The following CD8B2 variants were observed in gnomAD, a reference collection of about 807,000 sequenced individuals.
CD8B2 encodes T-cell surface glycoprotein CD8 beta-2 chain.
CD8B2 carries 11 observed loss-of-function variants against 23.7 expected under a neutral mutation model. That is an observed-to-expected ratio of 0.46 (90% CI 0.29 to 0.77). The LOEUF (loss-of-function observed/expected upper bound fraction) is 0.77, where lower values mean the gene tolerates loss of function less well. CD8B2 is among the 30% of genes least tolerant of loss of function. The pLI is 0.09. For synonymous variants in CD8B2, 90 were observed against 109.3 expected (o/e 0.82, Z 1.10); for missense variants, 197 against 270.5 (o/e 0.73, Z 1.91).
intron 3 of CD8B2, among the ~76,000 whole-genome samples, chr2:106,498,179 A>C (rs1168797603): frequency 1.3e-5 from 2 of 148,346 alleles, no homozygotes; most frequent in South Asian, 2.1e-4. Flanking sequence ...ATGGAGTCTC[A>C]CTCTGTTGCC....
chr2:106,506,000 G>A (rs1679497866), intron 5 of CD8B2, among the ~76,000 whole-genome samples: 1 of 152,132 alleles, frequency 6.6e-6, no homozygotes, highest in Non-Finnish European at 1.5e-5. Context: ...GGGCGTGGTG[G>A]CGGGCGCCTA....
At chr2:106,534,242 C>G (rs1263851939) in intron 5 of CD8B2, among the ~76,000 whole-genome samples, 1 of 152,122 alleles carries the variant, frequency 6.6e-6, no homozygotes, top group Non-Finnish European at 1.5e-5. Flanking sequence ...TAGAAGGGAA[C>G]AAAATGGATA....
At chr2:106,517,665 G>A (rs190991557) in intron 5 of CD8B2, among the ~76,000 whole-genome samples, 1 of 151,590 alleles carries the variant, frequency 6.6e-6, no homozygotes, top group African/African-American at 2.4e-5. Flanking sequence ...CCTTCCTATA[G>A]TTTTTAATAA....
At chr2:106,518,665 T>A (rs1026960955) in intron 5 of CD8B2, among the ~76,000 whole-genome samples, 1 of 152,178 alleles carries the variant, frequency 6.6e-6, no homozygotes, top group African/African-American at 2.4e-5. Context: ...CATTCATCCA[T>A]GTATCCATTC....
At chr2:106,514,752 T>TTGTGTGTGTGTGTG (rs10692298), downstream of CD8B2, among the ~76,000 whole-genome samples, 27 of 144,624 alleles carry the variant, frequency 1.9e-4, no homozygotes, top group African/African-American at 2.6e-4. Flanking sequence ...GTTAAGACTT[T>TTGTGTGTGTGTGTG]TGTGTGTGTG....
chr2:106,493,715 G>A (rs1679241117), intron 2 of CD8B2, among the ~76,000 whole-genome samples: 1 of 152,184 alleles, frequency 6.6e-6, no homozygotes, highest in African/African-American at 2.4e-5. Flanking sequence ...CTTTTTGTCA[G>A]AAAATCTTTG....
chr2:106,504,852 G>A (rs1038835309), intron 5 of CD8B2, among the ~76,000 whole-genome samples: 1 of 152,162 alleles, frequency 6.6e-6, no homozygotes, highest in Non-Finnish European at 1.5e-5. Flanking sequence ...TGACAGATCA[G>A]TGGAGAGACT....
At position 106,508,019 on chromosome 2, in the gene CD8B2, T is replaced by C. The variant is rs1186301596; in HGVS notation, c.*1079T>C. ...ACATGTCTCTTCATTTTCTTATTGA[T>C]TCTTAGCCTTGACAGTTGGAGAAGG... On this transcript the variant is annotated 3_prime_UTR_variant, in exon 6 of 6. Transcript: ENST00000643224. 5.3e-5 allele frequency: 8 copies of C among 149,638 alleles called. No homozygotes were observed. In the East Asian group the frequency reaches 1.6e-3, roughly 29 times the overall value. The allele number at this position is 149,638 out of a possible 1,614,324, so 9.3% of individuals were successfully genotyped here. A position where few individuals can be genotyped will look rare whatever the true frequency, so the allele number is the denominator to read the frequency against.
chr2:106,494,141 A>C, intron 2 of CD8B2, among the ~76,000 whole-genome samples: 1 of 148,736 alleles, frequency 6.7e-6, no homozygotes, highest in Admixed American at 6.7e-5. Flanking sequence ...GTTCCCCCTT[A>C]CAACCCCCCA....
chr2:106,501,180 G>A (rs113779784), intron 3 of CD8B2, among the ~76,000 whole-genome samples: 3,104 of 152,140 alleles, frequency 0.02, 51 homozygotes, highest in Non-Finnish European at 0.028. Context: ...GTTGTTTTCT[G>A]CAGAGTTATT....
intron 3 of CD8B2, among the ~76,000 whole-genome samples, chr2:106,496,985 C>T (rs148992379): frequency 6.6e-6 from 1 of 152,256 alleles, no homozygotes. Flanking sequence ...TTAAACTTTT[C>T]CAGTTTTGGC....
intron 5 of CD8B2, among the ~76,000 whole-genome samples, chr2:106,504,836 C>G (rs1364511669): frequency 6.6e-6 from 1 of 152,148 alleles, no homozygotes; most frequent in Non-Finnish European, 1.5e-5. Flanking sequence ...GGTTATCACC[C>G]TCATTTGACA....
At chr2:106,534,790 A>G (rs1364784676) in intron 5 of CD8B2, among the ~76,000 whole-genome samples, 1 of 150,362 alleles carries the variant, frequency 6.7e-6, no homozygotes, top group African/African-American at 2.5e-5. Context: ...GAGAATATAT[A>G]TTTTTAAAAT....
In CD8B2 at chr2:106,511,005, T is replaced by C. The variant is rs772602472; in HGVS notation, c.*4065T>C. The C allele has an allele frequency of 1.3e-5, 2 of 152,194 alleles. No homozygotes were observed. The highest frequency in any genetic ancestry group is 2.9e-5 in the Non-Finnish European group (2 of 68,034). 9.4% of individuals were successfully genotyped at this position (152,194 alleles called of 1,614,324 possible). On this transcript the variant is annotated 3_prime_UTR_variant, in exon 6 of 6. Coordinates refer to ENST00000643224, the MANE Select transcript of CD8B2 (RefSeq NM_001349727.2). ...CTGGGGAATTTCCACTTCTGCTTTG[T>C]ACAGTTCCTTGTGTGAATTTTTACA...
chr2:106,538,773 C>G (rs1680130056), intron 5 of CD8B2, among the ~76,000 whole-genome samples: 1 of 152,088 alleles, frequency 6.6e-6, no homozygotes, highest in Admixed American at 6.5e-5. Context: ...TTGGACCCCT[C>G]CCTCTTCATA....
intron 3 of CD8B2, among the ~76,000 whole-genome samples, chr2:106,499,907 G>GC (rs1241909488): frequency 2.3e-5 from 3 of 132,766 alleles, no homozygotes; most frequent in Non-Finnish European, 3.2e-5. Context: ...CCCAGCAGAT[G>GC]CCCTCAGCAT....
chr2:106,501,636 T>C (rs1679408451), intron 3 of CD8B2, among the ~76,000 whole-genome samples: 1 of 152,102 alleles, frequency 6.6e-6, no homozygotes, highest in African/African-American at 2.4e-5. Flanking sequence ...GAGCCAAGAT[T>C]GTGCCACTGC....
rs974118218 is a variant in CD8B2 at position 106,527,339 on chromosome 2, G to A, written c.621-16653G>A. Among the ~76,000 whole-genome samples, 6 of 152,316 alleles carry A rather than the reference G, an allele frequency of 3.9e-5. No homozygotes were observed. In the East Asian group the frequency reaches 9.6e-4, roughly 24 times the overall value. On this transcript the variant is annotated intron_variant, in intron 5 of 5. Transcript: ENST00000416057. ...AGTCTGAAAAACCAGACTGCTGGTC[G>A]CAGGTTCCTGCAACTCAGGCTCAGA...
At chr2:106,541,624 A>C (rs1680175720) in intron 5 of CD8B2, among the ~76,000 whole-genome samples, 1 of 152,210 alleles carries the variant, frequency 6.6e-6, no homozygotes, top group Non-Finnish European at 1.5e-5. Flanking sequence ...TTAGTGGATT[A>C]TGAAATCTCT....
Sources: allele counts gnomAD v4.1 joint callset (sites outside exome capture counted in the v4.1 genomes callset), GRCh38; gene constraint gnomAD v4.1.1; transcripts MANE v1.5; gene names NCBI Gene and HGNC (gene_info 2026-07-23, HGNC 2026-07-21).